The following ABAT variants were observed in gnomAD, a reference collection of about 807,000 sequenced individuals.
The protein encoded by ABAT is 4-aminobutyrate aminotransferase, mitochondrial.
Under a neutral mutation model 64.6 loss-of-function variants are expected in ABAT, and 45 were observed. The observed-to-expected ratio is 0.70, with a 90% CI of 0.55 to 0.89. The LOEUF is 0.89. ABAT is among the 40% of genes least tolerant of loss of function. The pLI, the probability that ABAT is intolerant of heterozygous loss-of-function variation, is 0.00. For synonymous variants in ABAT, 297 were observed against 250.5 expected (o/e 1.19, Z -1.75); for missense variants, 633 against 658.4 (o/e 0.96, Z 0.42).
chr16:8,720,569 G>C (rs2058339763), intron 1 of ABAT: 1 of 152,452 alleles, frequency 6.6e-6, no homozygotes, highest in Admixed American at 6.5e-5. Context: ...GAGAAAAGTG[G>C]ATGTGAGATA....
At position 8,724,813 on chromosome 16, in the gene ABAT, TGAA is replaced by T. The variant is rs546005824; in HGVS notation, c.-41-10882_-41-10880del. 3.0e-3 allele frequency among the ~76,000 whole-genome samples: 452 copies of T among 149,026 alleles called. 1 individual carries two copies. Among genetic ancestry groups the T allele is most frequent in the African/African-American group, 0.01 (425 of 40,604 alleles). ...CACACAGCCTGTAGCAGGTGGAAATTGAAGAATAAGTCTGTGTGATCAGAGTGT... is the reference window on the plus strand; with the variant it reads ...CACACAGCCTGTAGCAGGTGGAAATTGAATAAGTCTGTGTGATCAGAGTGT... On this transcript the variant is annotated intron_variant, in intron 1 of 15. Coordinates refer to ENST00000268251, the MANE Select transcript of ABAT (RefSeq NM_020686.6).
intron 1 of ABAT, chr16:8,683,473 T>G (rs1267690764): frequency 1.3e-5 from 2 of 151,832 alleles, no homozygotes; most frequent in Non-Finnish European, 2.9e-5. Context: ...TCAAAACTCC[T>G]GTGCTGATCG....
At chr16:8,680,442 G>C (rs994663469) in intron 1 of ABAT, among the ~76,000 whole-genome samples, 5 of 152,054 alleles carry the variant, frequency 3.3e-5, no homozygotes, top group Middle Eastern at 3.4e-3. Context: ...TTTTTTGGGG[G>C]GCAGGGGGAA....
intron 1 of ABAT, among the ~76,000 whole-genome samples, chr16:8,714,346 CAG>C (rs1286675746): frequency 6.6e-6 from 1 of 152,180 alleles, no homozygotes; most frequent in Non-Finnish European, 1.5e-5. Context: ...CTTTGAAACT[CAG>C]GGGAATGGAA....
intron 6 of ABAT, among the ~76,000 whole-genome samples, chr16:8,760,843 G>T (rs561771316): frequency 6.6e-6 from 1 of 152,318 alleles, no homozygotes; most frequent in East Asian, 1.9e-4. Context: ...GGGAGGCTGA[G>T]GCAGAAGGAT....
chr16:8,697,976 A>G (rs979407162), intron 1 of ABAT, among the ~76,000 whole-genome samples: 5 of 152,172 alleles, frequency 3.3e-5, no homozygotes. Context: ...TCCTTTGTAC[A>G]TTGGAGGTGG....
chr16:8,775,870 C>A (rs532961072), intron 13 of ABAT, among the ~76,000 whole-genome samples: 1 of 152,304 alleles, frequency 6.6e-6, no homozygotes, highest in Non-Finnish European at 1.5e-5. Flanking sequence ...GCCGCATGGC[C>A]ACCCTAAATC....
In ABAT at chr16:8,720,296, C is replaced by G. The variant is rs534984028; in HGVS notation, c.-41-15403C>G. 4.6e-5 allele frequency among the ~76,000 whole-genome samples: 7 copies of G among 152,334 alleles called. No homozygotes were observed. In the East Asian group the frequency reaches 1.3e-3, roughly 29 times the overall value. ...ACTAAGGCACTGATGAGTTCAGCAA[C>G]TTGCCTAGGTAATATATATGGCCCA... On this transcript the variant is annotated intron_variant, in intron 1 of 15. Coordinates refer to ENST00000268251, the MANE Select transcript of ABAT (RefSeq NM_020686.6).
rs1056436309 is a variant in ABAT at position 8,705,541 on chromosome 16, A to T, written c.-41-30158A>T. ...TGAGTTGGGATTTCTTGAGGTCAAAATATTTAATATCTCTTTATGTTGTTT... is the reference window on the plus strand; with the variant it reads ...TGAGTTGGGATTTCTTGAGGTCAAATTATTTAATATCTCTTTATGTTGTTT... On this transcript the variant is annotated intron_variant, in intron 1 of 15. Transcript: ENST00000268251. 6 of 152,114 alleles carry T rather than the reference A, an allele frequency of 3.9e-5. 1 individual carries two copies. In the East Asian group the frequency reaches 1.2e-3, roughly 29 times the overall value. The allele number at this position is 152,114 out of a possible 1,614,324, so 9.4% of individuals were successfully genotyped here.
intron 2 of ABAT, among the ~76,000 whole-genome samples, chr16:8,743,475 A>G (rs2059234249): frequency 7.5e-6 from 1 of 132,562 alleles, no homozygotes; most frequent in African/African-American, 3.0e-5. Flanking sequence ...TATATAATAT[A>G]TATTTTAGTT....
chr16:8,724,151 T>A (rs1452903647), intron 1 of ABAT, among the ~76,000 whole-genome samples: 1 of 151,908 alleles, frequency 6.6e-6, no homozygotes, highest in East Asian at 1.9e-4. Context: ...CCAAGCTTTA[T>A]ATTCTAAAAC....
rs116189345 is a variant in ABAT at position 8,749,181 on chromosome 16, G to A, written c.198+1044G>A. Among the ~76,000 whole-genome samples, 1,387 of 150,564 alleles carry A rather than the reference G, an allele frequency of 9.2e-3. 16 individuals are homozygous for A. Among genetic ancestry groups the A allele is most frequent in the African/African-American group, 0.033 (1,333 of 40,962 alleles). Reference sequence around the variant, plus strand: ...CGGCTCACAGCAACCTCTGCCTTCCGGTTTCAAACAATTCTCCTGCCTCAG... The same window carrying A: ...CGGCTCACAGCAACCTCTGCCTTCCAGTTTCAAACAATTCTCCTGCCTCAG... On this transcript the variant is annotated intron_variant, in intron 4 of 15. Transcript: ENST00000268251.
At chr16:8,753,297 G>A (rs112581075) in intron 5 of ABAT, among the ~76,000 whole-genome samples, 17 of 152,006 alleles carry the variant, frequency 1.1e-4, no homozygotes, top group African/African-American at 1.4e-4. Flanking sequence ...GGGTTTCACC[G>A]TGTTAGCCAG....
Position 8,776,802 on chromosome 16 carries a change from C to G in ABAT, c.1269+312C>G, listed in dbSNP as rs1465454391. On this transcript the variant is annotated intron_variant, in intron 14 of 15. Coordinates refer to ENST00000268251, the MANE Select transcript of ABAT (RefSeq NM_020686.6). This position sits in a 1 kb window ranked among gnomAD's most constrained non-coding sequence, Gnocchi z 4.4. ...CTCTGTTAGCCAGTCCGGCCTTGAACTCCTGGCCTCAAACGATCCTTCCAC... is the reference window on the plus strand; with the variant it reads ...CTCTGTTAGCCAGTCCGGCCTTGAAGTCCTGGCCTCAAACGATCCTTCCAC... Among the ~76,000 whole-genome samples, 1 of 152,160 alleles carries G rather than the reference C, an allele frequency of 6.6e-6. No individual in the cohort carries two copies. The highest frequency in any genetic ancestry group is 1.5e-5 in the Non-Finnish European group (1 of 68,034).
intron 2 of ABAT, among the ~76,000 whole-genome samples, chr16:8,744,266 G>A (rs529240972): frequency 6.6e-6 from 1 of 152,122 alleles, no homozygotes; most frequent in African/African-American, 2.4e-5. Flanking sequence ...CTCAGCTTCT[G>A]GGGAGGCCTC....
At chr16:8,736,817 G>A (rs149413630) in intron 2 of ABAT, 102 of 152,370 alleles carry the variant, frequency 6.7e-4, no homozygotes, top group African/African-American at 2.4e-3. Flanking sequence ...AAGCAACTCT[G>A]TCCGGCTCCA....
intron 1 of ABAT, among the ~76,000 whole-genome samples, chr16:8,687,733 G>C (rs2057488955): frequency 6.6e-6 from 1 of 152,214 alleles, no homozygotes; most frequent in African/African-American, 2.4e-5. Context: ...GGAAAGTCCT[G>C]AGTCTGGAAA....
At chr16:8,742,133 C>T (rs888885006) in intron 2 of ABAT, among the ~76,000 whole-genome samples, 1 of 152,188 alleles carries the variant, frequency 6.6e-6, no homozygotes, top group Non-Finnish European at 1.5e-5. Flanking sequence ...CCCCATAGCG[C>T]CCAGTTAGCC....
At position 8,764,232 on chromosome 16, in the gene ABAT, A is replaced by G. The variant is rs1252746700; in HGVS notation, c.447+83A>G. Reference sequence around the variant, plus strand: ...AAAAGTGGAGACGCCAACAATGAAGAATAAGGTGTTGCTACAGAAATCTTT... The same window carrying G: ...AAAAGTGGAGACGCCAACAATGAAGGATAAGGTGTTGCTACAGAAATCTTT... On this transcript the variant is annotated intron_variant, in intron 7 of 15. Coordinates refer to ENST00000268251, the MANE Select transcript of ABAT (RefSeq NM_020686.6). The surrounding 1 kb of genome is among the most constrained non-coding windows in gnomAD (Gnocchi z 4.2). The G allele has an allele frequency of 5.3e-6, 6 of 1,129,680 alleles. No individual in the cohort carries two copies. The highest frequency in any genetic ancestry group is 8.0e-6 in the Non-Finnish European group (6 of 747,122). The allele number at this position is 1,129,680 out of a possible 1,614,324, so 70.0% of individuals were successfully genotyped here.
Sources: allele counts gnomAD v4.1 joint callset (sites outside exome capture counted in the v4.1 genomes callset), GRCh38; gene constraint gnomAD v4.1.1; non-coding constraint Gnocchi (gnomAD v3.1); transcripts MANE v1.5; gene names NCBI Gene and HGNC (gene_info 2026-07-23, HGNC 2026-07-21).